MUC12: variants seen among roughly 807,000 people sequenced by gnomAD.
MUC12 encodes mucin 12, cell surface associated, also known as mucin-12.
MUC12 carries 172 observed loss-of-function variants against 230.8 expected under a neutral mutation model. The observed-to-expected ratio is 0.75, with a 90% confidence interval of 0.66 to 0.85. MUC12 has a LOEUF of 0.85. Ranked by LOEUF, MUC12 falls within the 40% of genes least tolerant of loss-of-function variation. The pLI is 0.00. For synonymous variants in MUC12, 1,259 were observed against 2,401.9 expected (o/e 0.52, Z 13.91); for missense variants, 3,506 against 5,920.6 (o/e 0.59, Z 13.38).
In MUC12 at chr7:100,991,118, C is replaced by G; in HGVS notation, c.555C>G (p.Thr185=). 6.5e-7 allele frequency: 1 copy of G among 1,537,798 alleles called. No homozygotes were observed. Residue 185 remains threonine, a synonymous_variant, in exon 2 of 12, where the codon ACC becomes ACG. Coordinates refer to ENST00000536621, the MANE Select transcript of MUC12 (RefSeq NM_001164462.2). ...THTIAFPDST[T]MPGVSQESTA... ...CAATAGCGTTCCCTGACAGTACCAC[C>G]ATGCCAGGCGTCAGTCAGGAATCTA...
At chr7:100,970,072 C>T (rs1346659755) in intron 1 of MUC12, among the ~76,000 whole-genome samples, 5 of 152,422 alleles carry the variant, frequency 3.3e-5, no homozygotes, top group South Asian at 2.1e-4. Context: ...CCAAACCTCA[C>T]GGAGGCACTG....
intron 1 of MUC12, among the ~76,000 whole-genome samples, chr7:100,975,115 C>T (rs568308583): frequency 6.6e-6 from 1 of 152,304 alleles, no homozygotes; most frequent in Non-Finnish European, 1.5e-5. Flanking sequence ...GGGACACAGT[C>T]TAGAATTCTA....
Position 101,001,174 on chromosome 7 carries a change from C to A in MUC12, c.10611C>A (p.Ser3537Arg). 1.9e-6 allele frequency: 2 copies of A among 1,055,804 alleles called. No individual in the cohort carries two copies. The highest frequency in any genetic ancestry group is 2.6e-6 in the Non-Finnish European group (2 of 754,974). 65.4% of individuals were successfully genotyped at this position (1,055,804 alleles called of 1,614,324 possible). ...CGGATACAACACTGTTACCTGCCAG[C>A]ACCACCACCTCAGGCTCCAGTCAGG... is the stretch of plus-strand genomic sequence containing the variant. ...GSTDTTLLPASTTTSGSSQES... is the reference protein window; with the variant it reads ...GSTDTTLLPARTTTSGSSQES... Residue 3537 changes from serine (S) to arginine (R), a missense_variant, in exon 2 of 12, where the codon AGC (serine) becomes AGA (arginine). Physicochemically the swap from Ser to Arg is moderately radical, Grantham distance 110 (BLOSUM62 -1). Coordinates refer to ENST00000536621, the MANE Select transcript of MUC12 (RefSeq NM_001164462.2).
At position 101,004,836 on chromosome 7, in the gene MUC12, C is replaced by A; in HGVS notation, c.14273C>A (p.Thr4758Lys). The A allele has an allele frequency of 6.5e-7, 1 of 1,537,450 alleles. No homozygotes were observed. Among genetic ancestry groups the A allele is most frequent in the Non-Finnish European group, 8.7e-7 (1 of 1,146,978 alleles). Residue 4758 changes from threonine to lysine, a missense_variant, in exon 2 of 12, where the codon ACA becomes AAA. Thr to Lys is a moderately conservative substitution (Grantham distance 78). Coordinates refer to ENST00000536621, the MANE Select transcript of MUC12 (RefSeq NM_001164462.2). ...CAAACACTCTCACCTGCCAGCATGA[C>A]AAGCTCCAGCATCAGTGGAGAACCC... ...PDQTLSPASM[T>K]SSSISGEPTS...
chr7:100,985,112 G>C (rs902163434), intron 1 of MUC12, among the ~76,000 whole-genome samples: 16 of 152,076 alleles, frequency 1.1e-4, no homozygotes, highest in Non-Finnish European at 4.4e-5. Flanking sequence ...GGTGATTGAG[G>C]GCCTTCCAAA....
At chr7:101,010,540 G>C (rs2116354959) in intron 5 of MUC12, among the ~76,000 whole-genome samples, 1 of 152,140 alleles carries the variant, frequency 6.6e-6, no homozygotes, top group East Asian at 1.9e-4. Flanking sequence ...TTTTGAGACA[G>C]AGTCTTGCTC....
Position 101,009,154 on chromosome 7 carries a change from A to G in MUC12, c.15246A>G (p.Arg5082=). Residue 5082 remains arginine, a synonymous_variant, in exon 5 of 12, where the codon AGA becomes AGG. Transcript: ENST00000536621. Reference sequence around the variant, plus strand: ...AGTATAGAGGGGTGAACATTCGGAGATTGCTGTGAGTATATTGGGGGGCAG... The same window carrying G: ...AGTATAGAGGGGTGAACATTCGGAGGTTGCTGTGAGTATATTGGGGGGCAG... ...LPQYRGVNIR[R]LLNGSIVVKN... The G allele has an allele frequency of 1.3e-6, 2 of 1,537,688 alleles. No individual in the cohort carries two copies. Among genetic ancestry groups the G allele is most frequent in the Non-Finnish European group, 1.7e-6 (2 of 1,146,966 alleles).
At chr7:100,980,657 C>T (rs1373656298) in intron 1 of MUC12, among the ~76,000 whole-genome samples, 1 of 152,160 alleles carries the variant, frequency 6.6e-6, no homozygotes, top group Non-Finnish European at 1.5e-5. Context: ...GGTGTGGTGG[C>T]TCATGCCTGT....
chr7:100,995,394 C>G lies in MUC12; in HGVS notation c.4831C>G (p.Pro1611Ala). The stretch of plus-strand genomic sequence containing the variant: ...GGAATCTACAGCTTCCCACAGCAGC[C>G]CAGGCTCCACAGACACAACATTGTC... ...SQESTASHSS[P>A]GSTDTTLSPG... is the part of the protein sequence containing the mutation. Residue 1611 changes from proline (P) to alanine (A), a missense_variant, in exon 2 of 12, where the codon CCA becomes GCA. Physicochemically the swap from Pro to Ala is conservative, Grantham distance 27 (BLOSUM62 -1). Transcript: ENST00000536621. 1 of 1,533,942 alleles carries G rather than the reference C, an allele frequency of 6.5e-7. No homozygotes were observed. Among genetic ancestry groups the G allele is most frequent in the Non-Finnish European group, 8.7e-7 (1 of 1,145,302 alleles).
chr7:100,985,291 G>T (rs982071579), intron 1 of MUC12, among the ~76,000 whole-genome samples: 15 of 152,262 alleles, frequency 9.9e-5, no homozygotes, highest in African/African-American at 3.6e-4. Flanking sequence ...CCTGGGTGGG[G>T]GCCACAAGAT....
At chr7:101,009,375 C>G (rs914966661) in intron 5 of MUC12, among the ~76,000 whole-genome samples, 27 of 152,230 alleles carry the variant, frequency 1.8e-4, no homozygotes, top group African/African-American at 6.5e-4. Flanking sequence ...CTGCTGGGTG[C>G]TGGGAACACA....
In MUC12 at chr7:101,005,263, C is replaced by T; in HGVS notation, c.14700C>T (p.Asp4900=). The T allele has an allele frequency of 2.0e-6, 3 of 1,537,938 alleles. No homozygotes were observed. The East Asian group carries it at 7.3e-5, about 38-fold the overall frequency. Residue 4900 remains aspartate (D), a synonymous_variant, in exon 2 of 12, where the codon GAC becomes GAT. Transcript: ENST00000536621. Reference sequence around the variant, plus strand: ...TACCTGCCACCCTCACAACCACAGACATTGGTCAGGAATCAACAGCCTTCC... The same window carrying T: ...TACCTGCCACCCTCACAACCACAGATATTGGTCAGGAATCAACAGCCTTCC... ...TVLPATLTTT[D]IGQESTAFHS...
rs571855490 is a variant in MUC12 at position 100,991,026 on chromosome 7, C to T, written c.463C>T (p.Arg155Cys). The change falls in exon 2 of 12, where the codon CGC becomes TGC. Residue 155 changes from arginine to cysteine, a missense_variant. Physicochemically the swap from Arg to Cys is radical, Grantham distance 180. Coordinates refer to ENST00000536621, the MANE Select transcript of MUC12 (RefSeq NM_001164462.2). The stretch of plus-strand genomic sequence containing the variant: ...ACCAGACAGAACACTCTCACCTGCC[C>T]GCACGACAAGCTCAGGCGTCAGTGA... ...RSPDRTLSPARTTSSGVSEKS... is the reference protein window; with the variant it reads ...RSPDRTLSPACTTSSGVSEKS... 3.0e-5 allele frequency: 46 copies of T among 1,537,794 alleles called. No individual in the cohort carries two copies. The African/African-American group carries it at 4.8e-4, about 16-fold the overall frequency.
In MUC12 at chr7:100,988,640, T is replaced by G. The variant is rs185807535; in HGVS notation, c.68-1991T>G. Among the ~76,000 whole-genome samples the G allele has an allele frequency of 3.4e-3, 521 of 152,328 alleles. 2 individuals are homozygous for G. The highest frequency in any genetic ancestry group is 0.012 in the African/African-American group (501 of 41,570). ...ATTGTCCATGGAACGGGTGACTGCC[T>G]TAGCTCTTCTGTTTTTCCTGGGTTG... On this transcript the variant is annotated intron_variant, in intron 1 of 11. Coordinates refer to ENST00000536621, the MANE Select transcript of MUC12 (RefSeq NM_001164462.2).
At chr7:100,975,601 A>T (rs1793015265) in intron 1 of MUC12, among the ~76,000 whole-genome samples, 1 of 152,312 alleles carries the variant, frequency 6.6e-6, no homozygotes, top group Admixed American at 6.5e-5. Flanking sequence ...AGTAGAGTTA[A>T]TGAGGTGGGA....
intron 1 of MUC12, among the ~76,000 whole-genome samples, chr7:100,983,933 C>T (rs1793147190): frequency 6.6e-6 from 1 of 152,168 alleles, no homozygotes; most frequent in Non-Finnish European, 1.5e-5. Context: ...ATCACCTCCT[C>T]CTGGAAGCCT....
chr7:101,013,065 G>A lies in MUC12; in HGVS notation c.15561G>A (p.Lys5187=). ...VLDGKLACVN[K]CTKGTKSQMN... ...ATGGGAAGCTGGCCTGTGTGAACAA[G>A]TGCACCAAAGGAACGAAGTCGCAAA... Residue 5187 remains lysine, a synonymous_variant, in exon 8 of 12, where the codon AAG becomes AAA. Coordinates refer to ENST00000536621, the MANE Select transcript of MUC12 (RefSeq NM_001164462.2). 6.5e-7 allele frequency: 1 copy of A among 1,537,372 alleles called. No individual in the cohort carries two copies. The highest frequency in any genetic ancestry group is 8.7e-7 in the Non-Finnish European group (1 of 1,146,934).
At chr7:101,005,999 T>C (rs988185272) in intron 2 of MUC12, among the ~76,000 whole-genome samples, 1 of 152,098 alleles carries the variant, frequency 6.6e-6, no homozygotes, top group Admixed American at 6.6e-5. Flanking sequence ...GTTTTTACCA[T>C]GTTGACCAAG....
rs1337878102 is a variant in MUC12 at position 101,004,570 on chromosome 7, C to G, written c.14007C>G (p.His4669Gln). ...GCCCGGGCTCAATTGCAACAACACA[C>G]TTTCCTGAGAGCTCCACAACCTCCG... is the stretch of plus-strand genomic sequence containing the variant. ...HSSPGSIATT[H>Q]FPESSTTSGR... is the part of the protein sequence containing the mutation. Residue 4669 changes from histidine to glutamine, a missense_variant, in exon 2 of 12, where the codon CAC becomes CAG. Transcript: ENST00000536621. 6 of 1,537,430 alleles carry G rather than the reference C, an allele frequency of 3.9e-6. No homozygotes were observed. Among genetic ancestry groups the G allele is most frequent in the African/African-American group, 1.4e-5 (1 of 73,076 alleles).
Sources: gnomAD v4.1 joint callset for allele counts (sites outside exome capture counted in the v4.1 genomes callset) on GRCh38, gnomAD v4.1.1 for gene constraint, MANE v1.5 for transcripts, NCBI Gene and HGNC (gene_info 2026-07-23, HGNC 2026-07-21) for gene names.